Variants in HSD17B12 observed in about 807,000 individuals in gnomAD.
The protein encoded by HSD17B12 is hydroxysteroid 17-beta dehydrogenase 12.
In HSD17B12, 32 loss-of-function variants were observed where a neutral mutation model predicts 39.3. The ratio of observed to expected loss-of-function variants is 0.81; its 90% CI spans 0.61 to 1.09. HSD17B12 has a LOEUF of 1.09. Ranked by LOEUF, HSD17B12 falls within the 50% of genes least tolerant of loss-of-function variation. The pLI, the probability that HSD17B12 is intolerant of heterozygous loss-of-function variation, is 0.00. For missense variants in HSD17B12, 342 were observed against 382.9 expected, an observed-to-expected ratio of 0.89 and a Z score of 0.89; for synonymous variants, 150 against 146.7, an observed-to-expected ratio of 1.02 and a Z score of -0.16.
At chr11:43,810,403 A>ATATAT (rs1565097561) in intron 4 of HSD17B12, among the ~76,000 whole-genome samples, 24 of 71,876 alleles carry the variant, frequency 3.3e-4, no homozygotes, top group South Asian at 8.9e-4. Flanking sequence ...ATATATATAT[A>ATATAT]AAATTCAGAA....
At chr11:43,597,210 G>C in the HSD17B12 span, among the ~76,000 whole-genome samples, 1 of 152,188 alleles carries the variant, frequency 6.6e-6, no homozygotes, top group South Asian at 2.1e-4. Context: ...AGTGGGTCAG[G>C]AGCATGTGAA....
At chr11:43,572,724 T>G in the HSD17B12 span, among the ~76,000 whole-genome samples, 1 of 152,244 alleles carries the variant, frequency 6.6e-6, no homozygotes, top group African/African-American at 2.4e-5. Flanking sequence ...AAGCTTCTTA[T>G]GTAAAAGTGT....
intron 2 of HSD17B12, among the ~76,000 whole-genome samples, chr11:43,752,070 G>T (rs1475262262): frequency 1.3e-5 from 2 of 152,152 alleles, no homozygotes; most frequent in African/African-American, 4.8e-5. Flanking sequence ...TAATCTAAAA[G>T]AGTAAGTTAG....
the HSD17B12 span, among the ~76,000 whole-genome samples, chr11:43,565,071 T>C: frequency 2.0e-5 from 3 of 152,078 alleles, no homozygotes; most frequent in Non-Finnish European, 4.4e-5. Flanking sequence ...GGCTAGTTTT[T>C]ATATTTTTAG....
At chr11:43,621,057 G>T in the HSD17B12 span, among the ~76,000 whole-genome samples, 1 of 152,204 alleles carries the variant, frequency 6.6e-6, no homozygotes, top group East Asian at 1.9e-4. Flanking sequence ...TAGAAGAGAA[G>T]GATGAAGGTT....
At chr11:43,712,840 T>C (rs1234193441) in intron 1 of HSD17B12, among the ~76,000 whole-genome samples, 1 of 152,200 alleles carries the variant, frequency 6.6e-6, no homozygotes, top group Non-Finnish European at 1.5e-5. Flanking sequence ...AAATGAGTTA[T>C]CCTTCATTGG....
At chr11:43,661,047 C>A in the HSD17B12 span, among the ~76,000 whole-genome samples, 1 of 152,102 alleles carries the variant, frequency 6.6e-6, no homozygotes, top group Non-Finnish European at 1.5e-5. Flanking sequence ...ATTGCTTGAA[C>A]CTGGTTGGCA....
chr11:43,714,840 A>G (rs1286474993), intron 1 of HSD17B12, among the ~76,000 whole-genome samples: 3 of 152,270 alleles, frequency 2.0e-5, no homozygotes, highest in African/African-American at 4.8e-5. Flanking sequence ...GGTCCTTCAC[A>G]TCCCTTGTAA....
At chr11:43,823,190 C>T (rs1487024486) in intron 6 of HSD17B12, among the ~76,000 whole-genome samples, 1 of 151,876 alleles carries the variant, frequency 6.6e-6, no homozygotes, top group African/African-American at 2.4e-5. Context: ...CTTTCTGAAC[C>T]CTCCAGAGTG....
chr11:43,575,486 T>C, the HSD17B12 span, among the ~76,000 whole-genome samples: 4 of 152,310 alleles, frequency 2.6e-5, no homozygotes, highest in Admixed American at 1.3e-4. The surrounding 1 kb of genome is among the most constrained non-coding windows in gnomAD (Gnocchi z 4.1). Flanking sequence ...CGAGTTTGCA[T>C]TGGGCGTCTT....
At chr11:43,637,184 T>C in the HSD17B12 span, among the ~76,000 whole-genome samples, 2 of 151,536 alleles carry the variant, frequency 1.3e-5, no homozygotes, top group Admixed American at 6.6e-5. Flanking sequence ...CTGATGATGG[T>C]AGTGACTGGA....
chr11:43,838,308 C>T lies in HSD17B12; in HGVS notation c.537-9C>T, dbSNP rs537902901. The T allele has an allele frequency of 5.7e-5, 92 of 1,606,032 alleles. No homozygotes were observed. In the African/African-American group the frequency reaches 1.1e-3, roughly 18 times the overall value. On this transcript the variant is annotated splice_polypyrimidine_tract_variant and intron_variant, in intron 7 of 10. Coordinates refer to ENST00000278353, the MANE Select transcript of HSD17B12 (RefSeq NM_016142.3). ...TCACTCCTTTTACACGGTACATTTT[C>T]CTTTTTAGATCCAAAGGGGCTATTC...
chr11:43,664,572 A>G, the HSD17B12 span, among the ~76,000 whole-genome samples: 1 of 152,210 alleles, frequency 6.6e-6, no homozygotes, highest in Non-Finnish European at 1.5e-5. Flanking sequence ...GGAACCAAAC[A>G]TCACTCTAAC....
In HSD17B12 at chr11:43,680,786, G is replaced by T. The variant is rs755273450; in HGVS notation, c.-42G>T. 7 of 1,556,172 alleles carry T rather than the reference G, an allele frequency of 4.5e-6. No homozygotes were observed. The highest frequency in any genetic ancestry group is 3.3e-5 in the South Asian group (3 of 89,858). On this transcript the variant is annotated 5_prime_UTR_variant, in exon 1 of 11. Coordinates refer to ENST00000278353, the MANE Select transcript of HSD17B12 (RefSeq NM_016142.3). Reference sequence around the variant, plus strand: ...CGCCTCCTCCTGGATTCATTCACTCGCTCTTTTCATTCACGAAGGTAGTGA... The same window carrying T: ...CGCCTCCTCCTGGATTCATTCACTCTCTCTTTTCATTCACGAAGGTAGTGA...
the HSD17B12 span, among the ~76,000 whole-genome samples, chr11:43,559,231 G>T: frequency 6.6e-6 from 1 of 152,116 alleles, no homozygotes; most frequent in Non-Finnish European, 1.5e-5. Flanking sequence ...TAAATGCTGT[G>T]GGGGAAGTGG....
chr11:43,716,605 A>G (rs750229756), intron 1 of HSD17B12, among the ~76,000 whole-genome samples: 2 of 151,556 alleles, frequency 1.3e-5, no homozygotes, highest in South Asian at 2.1e-4. Flanking sequence ...GTAGATTTCT[A>G]TGTTAGGAAT....
At chr11:43,563,422 T>A in the HSD17B12 span, among the ~76,000 whole-genome samples, 6 of 152,232 alleles carry the variant, frequency 3.9e-5, no homozygotes, top group Non-Finnish European at 7.3e-5. Context: ...ATCTGCTCAG[T>A]GTCCCATTCT....
chr11:43,633,403 G>C, the HSD17B12 span, among the ~76,000 whole-genome samples: 2 of 152,018 alleles, frequency 1.3e-5, no homozygotes, highest in Admixed American at 1.3e-4. Flanking sequence ...GCGGTGGCAG[G>C]CACCTGTAGT....
At chr11:43,653,867 G>A in the HSD17B12 span, among the ~76,000 whole-genome samples, 1 of 152,312 alleles carries the variant, frequency 6.6e-6, no homozygotes, top group Non-Finnish European at 1.5e-5. Context: ...ACATACATGT[G>A]CATGTGTCTT....
Sources: gnomAD v4.1 joint callset for allele counts (sites outside exome capture counted in the v4.1 genomes callset) on GRCh38, gnomAD v4.1.1 for gene constraint, Gnocchi (gnomAD v3.1) non-coding constraint, MANE v1.5 for transcripts, NCBI Gene and HGNC (gene_info 2026-07-23, HGNC 2026-07-21) for gene names.